The following EIF4E3 variants were observed in gnomAD, a reference collection of about 807,000 sequenced individuals.
EIF4E3 encodes the protein eukaryotic translation initiation factor 4E family member 3.
Under a neutral mutation model 31.7 loss-of-function variants are expected in EIF4E3, and 26 were observed. The observed-to-expected ratio is 0.82, with a 90% confidence interval of 0.60 to 1.14. EIF4E3 has a LOEUF of 1.14. EIF4E3 is among the 50% of genes most tolerant of loss of function. The pLI is 0.00. For synonymous variants in EIF4E3, 128 were observed against 107.7 expected (o/e 1.19, Z -1.17); for missense variants, 304 against 270.9 (o/e 1.12, Z -0.86).
chr3:71,699,088 G>A (rs1230457346), intron 3 of EIF4E3, among the ~76,000 whole-genome samples: 8 of 151,972 alleles, frequency 5.3e-5, no homozygotes, highest in Non-Finnish European at 2.9e-5. Flanking sequence ...TTAGTTGGGG[G>A]TGGTGGCACA....
chr3:71,695,179 T>C (rs931822424), intron 4 of EIF4E3, among the ~76,000 whole-genome samples: 1 of 152,148 alleles, frequency 6.6e-6, no homozygotes, highest in African/African-American at 2.4e-5. Flanking sequence ...CTGTTACTGA[T>C]GAAGTTGAGA....
At chr3:71,749,454 A>G (rs774818279) in intron 1 of EIF4E3, among the ~76,000 whole-genome samples, 1 of 152,174 alleles carries the variant, frequency 6.6e-6, no homozygotes, top group East Asian at 1.9e-4. Flanking sequence ...AAGAGTTGGG[A>G]TGGAGTTAAG....
At chr3:71,710,595 C>T in intron 1 of EIF4E3, 111 bp from the exon 2 acceptor site, 1 of 992,264 alleles carries the variant, frequency 1.0e-6, no homozygotes, top group East Asian at 2.8e-5. Context: ...TCTCAAACCA[C>T]AGGACTGGAC....
rs150183909 is a variant in EIF4E3 at position 71,718,319 on chromosome 3, G to A, written c.176+6873C>T. 4.6e-5 allele frequency among the ~76,000 whole-genome samples: 7 copies of A among 152,300 alleles called. No homozygotes were observed. The South Asian group carries it at 6.2e-4, about 14-fold the overall frequency. ...TGATCAAGAGTCGCATACAAAAATGGCCCAAGCCCTATTACTGACAGTTAA... is the reference window on the plus strand; with the variant it reads ...TGATCAAGAGTCGCATACAAAAATGACCCAAGCCCTATTACTGACAGTTAA... On this transcript the variant is annotated intron_variant, in intron 1 of 6. Transcript: ENST00000425534.
At chr3:71,730,076 G>A (rs73090620), upstream of EIF4E3, among the ~76,000 whole-genome samples, 11,586 of 152,252 alleles carry the variant, frequency 0.076, 561 homozygotes, top group Non-Finnish European at 0.1. Context: ...GAAGGGACTG[G>A]CCTGGGGCAG....
chr3:71,672,297 A>G (rs1474530164), downstream of EIF4E3, among the ~76,000 whole-genome samples: 1 of 152,332 alleles, frequency 6.6e-6, no homozygotes, highest in East Asian at 1.9e-4. Context: ...TTTCAGATTC[A>G]TAATATACTA....
intron 2 of EIF4E3, among the ~76,000 whole-genome samples, chr3:71,700,200 C>A (rs1395441209): frequency 6.6e-6 from 1 of 152,038 alleles, no homozygotes; most frequent in Non-Finnish European, 1.5e-5. Context: ...AAAAACACAA[C>A]AACAAGAAGA....
chr3:71,753,712 C>T (rs2049963889), upstream of EIF4E3: 1 of 149,854 alleles, frequency 6.7e-6, no homozygotes, highest in Non-Finnish European at 1.5e-5. Flanking sequence ...GGGGGCAGAG[C>T]CAAGAGGCGC....
downstream of EIF4E3, among the ~76,000 whole-genome samples, chr3:71,672,014 T>C (rs1342887849): frequency 2.0e-5 from 3 of 152,184 alleles, no homozygotes; most frequent in African/African-American, 7.2e-5. Context: ...CGCTCCCCGA[T>C]TTAGCAGAAG....
At chr3:71,696,638 G>T in intron 3 of EIF4E3, 118 bp from the exon 4 acceptor site, 8 of 1,142,190 alleles carry the variant, frequency 7.0e-6, no homozygotes, top group Non-Finnish European at 1.0e-5. Context: ...AAACAAAATA[G>T]TTGGGCATTT....
In EIF4E3 at chr3:71,725,318, G is replaced by T. The variant is rs1407123751; in HGVS notation, c.50C>A (p.Pro17Gln). The change falls in exon 1 of 7, where the codon CCG becomes CAG. Residue 17 changes from proline to glutamine, a missense_variant. Transcript: ENST00000425534. The surrounding 1 kb of genome is among the most constrained non-coding windows in gnomAD (Gnocchi z 6.1). ...GGCAGCGGCGGCGGCGCGGGACCCC[G>T]GCGGCTCCCGGGCCCCGGCGGGGGG... is the stretch of plus-strand genomic sequence containing the variant. ...AAPPAGAREPPGSRAAAAAAA... is the reference protein window; with the variant it reads ...AAPPAGAREPQGSRAAAAAAA... 6 of 971,828 alleles carry T rather than the reference G, an allele frequency of 6.2e-6. No homozygotes were observed. Among genetic ancestry groups the T allele is most frequent in the Non-Finnish European group, 7.3e-6 (6 of 819,380 alleles). 60.2% of individuals were successfully genotyped at this position (971,828 alleles called of 1,614,324 possible).
chr3:71,754,600 TG>T, upstream of EIF4E3: 2 of 1,436,936 alleles, frequency 1.4e-6, no homozygotes, highest in Non-Finnish European at 9.1e-7. The surrounding 1 kb of genome is among the most constrained non-coding windows in gnomAD (Gnocchi z 5.8). Flanking sequence ...CCCGGCGCGC[TG>T]GGCTTCCTGC....
In EIF4E3 at chr3:71,680,256, A is replaced by C. The variant is rs1047786581; in HGVS notation, c.*4426T>G. ...GTTGGATAAAATCAGGGGTTCTCCA[A>C]GAGCGATCTGAGCACCATCAGCATT... On this transcript the variant is annotated 3_prime_UTR_variant, in exon 7 of 7. Transcript: ENST00000425534. 5.9e-5 allele frequency: 9 copies of C among 152,216 alleles called. No homozygotes were observed. The highest frequency in any genetic ancestry group is 1.3e-4 in the Non-Finnish European group (9 of 68,044). 9.4% of individuals were successfully genotyped at this position (152,216 alleles called of 1,614,324 possible).
At chr3:71,696,865 G>A (rs574166370) in intron 3 of EIF4E3, among the ~76,000 whole-genome samples, 2 of 151,664 alleles carry the variant, frequency 1.3e-5, no homozygotes, top group South Asian at 2.1e-4. Flanking sequence ...ACAGGCGTCC[G>A]CCACCAAGTC....
intron 1 of EIF4E3, among the ~76,000 whole-genome samples, chr3:71,722,798 T>G (rs2049571859): frequency 6.6e-6 from 1 of 152,134 alleles, no homozygotes; most frequent in Non-Finnish European, 1.5e-5. Context: ...GGGGAGGGGT[T>G]GGTAGCTGGG....
chr3:71,711,460 T>C (rs1371535934), intron 1 of EIF4E3, among the ~76,000 whole-genome samples: 1 of 152,194 alleles, frequency 6.6e-6, no homozygotes, highest in Non-Finnish European at 1.5e-5. Context: ...CAATGCTCTT[T>C]ACCAGAAACT....
the EIF4E3 span, among the ~76,000 whole-genome samples, chr3:71,659,432 T>C: frequency 8.1e-3 from 1,229 of 152,300 alleles, 16 homozygotes; most frequent in African/African-American, 0.028. Context: ...CAAATCTGAA[T>C]AGAACATACT....
chr3:71,690,729 A>C (rs924543698), intron 5 of EIF4E3, among the ~76,000 whole-genome samples: 3 of 152,100 alleles, frequency 2.0e-5, no homozygotes, highest in African/African-American at 7.2e-5. Flanking sequence ...CTCCTTTCCT[A>C]TGAATTCTTC....
intron 1 of EIF4E3, among the ~76,000 whole-genome samples, chr3:71,711,247 C>G (rs373964384): frequency 5.9e-5 from 9 of 152,324 alleles, no homozygotes; most frequent in African/African-American, 1.4e-4. Context: ...CAATTCCTGC[C>G]ACCTTTTCTT....
Sources: allele counts gnomAD v4.1 joint callset (sites outside exome capture counted in the v4.1 genomes callset), GRCh38; gene constraint gnomAD v4.1.1; non-coding constraint Gnocchi (gnomAD v3.1); transcripts MANE v1.5; gene names NCBI Gene and HGNC (gene_info 2026-07-23, HGNC 2026-07-21).